Variants in TNFAIP8L3 observed in about 807,000 individuals in gnomAD.
The protein encoded by TNFAIP8L3 is tumor necrosis factor alpha-induced protein 8-like protein 3.
TNFAIP8L3 carries 7 observed loss-of-function variants against 11.8 expected under a neutral mutation model. The observed-to-expected ratio is 0.59, with a 90% CI of 0.34 to 1.11. The LOEUF (loss-of-function observed/expected upper bound fraction) is 1.11, where lower values mean the gene tolerates loss of function less well. TNFAIP8L3 is among the 50% of genes most tolerant of loss of function. The pLI is 0.03. For synonymous variants in TNFAIP8L3, 98 were observed against 103.8 expected, an observed-to-expected ratio of 0.94 and a Z score of 0.34; for missense variants, 219 against 258.6, an observed-to-expected ratio of 0.85 and a Z score of 1.05.
At chr15:51,099,763 G>A (rs1316794014), upstream of TNFAIP8L3, among the ~76,000 whole-genome samples, 1 of 152,150 alleles carries the variant, frequency 6.6e-6, no homozygotes, top group Non-Finnish European at 1.5e-5. Flanking sequence ...ACACAGCTTT[G>A]TGGCATAGAA....
intron 1 of TNFAIP8L3, among the ~76,000 whole-genome samples, chr15:51,066,540 GTC>G: frequency 6.6e-6 from 1 of 152,178 alleles, no homozygotes; most frequent in Non-Finnish European, 1.5e-5. Flanking sequence ...AACCTGTCAC[GTC>G]TCTCATGCTC....
At chr15:51,058,535 T>C (rs964313006) in intron 1 of TNFAIP8L3, 92 bp from the exon 2 acceptor site, 16 of 1,188,524 alleles carry the variant, frequency 1.3e-5, no homozygotes, top group South Asian at 1.2e-4. Flanking sequence ...TGAACTTATG[T>C]TCTTAGAGCA....
At chr15:51,104,015 T>TC (rs1371134922) in intron 1 of TNFAIP8L3, among the ~76,000 whole-genome samples, 1 of 152,024 alleles carries the variant, frequency 6.6e-6, no homozygotes, top group Non-Finnish European at 1.5e-5. Flanking sequence ...GAGGGTGAGG[T>TC]CAGTGCAACC....
chr15:51,070,051 G>A (rs190469116), intron 1 of TNFAIP8L3, among the ~76,000 whole-genome samples: 130 of 152,286 alleles, frequency 8.5e-4, no homozygotes, highest in African/African-American at 3.0e-3. Flanking sequence ...GATAGATGTA[G>A]CTTTCATTTT....
chr15:51,070,056 C>G (rs1250295964), intron 1 of TNFAIP8L3, among the ~76,000 whole-genome samples: 1 of 152,176 alleles, frequency 6.6e-6, no homozygotes, highest in Non-Finnish European at 1.5e-5. Context: ...ATGTAGCTTT[C>G]ATTTTTAGAG....
In TNFAIP8L3 at chr15:51,072,989, CCTTT is replaced by C. The variant is rs1555467128; in HGVS notation, c.53-14550_53-14547del. 2.6e-4 allele frequency among the ~76,000 whole-genome samples: 12 copies of C among 45,750 alleles called. 4 individuals carry two copies. Among genetic ancestry groups the C allele is most frequent in the African/African-American group, 4.1e-4 (4 of 9,672 alleles). The allele number at this position is 45,750 out of a possible 152,430, so 30.0% of individuals were successfully genotyped here. Reference sequence around the variant, plus strand: ...ATGTTGATCTGAAGTAAACTGGGATCCTTTTTTTTTTTTTTTTTTTTTTTGAGAC... The same window carrying C: ...ATGTTGATCTGAAGTAAACTGGGATCTTTTTTTTTTTTTTTTTTTTGAGAC... On this transcript the variant is annotated intron_variant, in intron 1 of 1. Coordinates refer to ENST00000637513, the MANE Select transcript of TNFAIP8L3 (RefSeq NM_001311175.2).
At chr15:51,080,518 T>C (rs1306499888) in intron 1 of TNFAIP8L3, among the ~76,000 whole-genome samples, 3 of 152,200 alleles carry the variant, frequency 2.0e-5, no homozygotes, top group Non-Finnish European at 2.9e-5. Context: ...GGGTCCTCCC[T>C]TCACTCTTTA....
chr15:51,058,693 T>C (rs925247907), intron 1 of TNFAIP8L3, among the ~76,000 whole-genome samples: 10 of 152,186 alleles, frequency 6.6e-5, no homozygotes, highest in African/African-American at 2.4e-4. Flanking sequence ...GGAGGTCATC[T>C]CCTCTTATCC....
At chr15:51,097,862 GAA>G (rs67230213), upstream of TNFAIP8L3, among the ~76,000 whole-genome samples, 196 of 151,894 alleles carry the variant, frequency 1.3e-3, 1 homozygote, top group East Asian at 9.9e-3. Flanking sequence ...TGTGGGGGGG[GAA>G]AAACTCTTAA....
At chr15:51,068,035 G>A (rs1380686055) in intron 1 of TNFAIP8L3, among the ~76,000 whole-genome samples, 4 of 152,196 alleles carry the variant, frequency 2.6e-5, no homozygotes, top group African/African-American at 9.7e-5. Flanking sequence ...GATATTTCCC[G>A]AAGGCAGTAG....
intron 1 of TNFAIP8L3, among the ~76,000 whole-genome samples, chr15:51,102,310 A>C (rs2065559598): frequency 6.6e-6 from 1 of 152,122 alleles, no homozygotes; most frequent in Non-Finnish European, 1.5e-5. Context: ...CATCCTTCTG[A>C]TCTATGGAAG....
upstream of TNFAIP8L3, among the ~76,000 whole-genome samples, chr15:51,095,207 G>T (rs62018216): frequency 0.12 from 16,930 of 139,992 alleles, 1,206 homozygotes; most frequent in South Asian, 0.16. Flanking sequence ...TCACTAGGAA[G>T]ATGAGGGAAG....
chr15:51,099,583 C>T (rs2065536368), upstream of TNFAIP8L3, among the ~76,000 whole-genome samples: 1 of 152,186 alleles, frequency 6.6e-6, no homozygotes, highest in Admixed American at 6.5e-5. Flanking sequence ...CTGAGAGCCT[C>T]CCTGATCACA....
chr15:51,075,455 T>A (rs1316798206), intron 1 of TNFAIP8L3, among the ~76,000 whole-genome samples: 1 of 152,138 alleles, frequency 6.6e-6, no homozygotes, highest in Non-Finnish European at 1.5e-5. Context: ...GCTATTTTAA[T>A]ATACTCAGGA....
intron 1 of TNFAIP8L3, among the ~76,000 whole-genome samples, chr15:51,083,638 G>T (rs2065407366): frequency 6.6e-6 from 1 of 152,220 alleles, no homozygotes; most frequent in Non-Finnish European, 1.5e-5. Context: ...AGTGTCCTTG[G>T]CCAGTCTGTA....
intron 1 of TNFAIP8L3, chr15:51,069,568 T>G (rs765452942): frequency 1.3e-5 from 2 of 152,196 alleles, no homozygotes; most frequent in Non-Finnish European, 2.9e-5. Flanking sequence ...TCAGCTTGTT[T>G]TAGAGCCTCC....
At position 51,057,684 on chromosome 15, in the gene TNFAIP8L3, G is replaced by A. The variant is rs2065215109; in HGVS notation, c.*197C>T. The A allele has an allele frequency of 3.6e-6, 2 of 555,604 alleles. No homozygotes were observed. Among genetic ancestry groups the A allele is most frequent in the Non-Finnish European group, 6.2e-6 (2 of 323,112 alleles). 34.4% of individuals were successfully genotyped at this position (555,604 alleles called of 1,614,324 possible). A position where few individuals can be genotyped will look rare whatever the true frequency, so the allele number is the denominator to read the frequency against. ...TGGGCTTGCACACAGGTGATTTTAA[G>A]TAGAAACCTTGCTAGAAAGCTTGGA... On this transcript the variant is annotated 3_prime_UTR_variant, in exon 2 of 2. Transcript: ENST00000637513.
At chr15:51,071,176 AT>A (rs2065307007) in intron 1 of TNFAIP8L3, among the ~76,000 whole-genome samples, 1 of 152,210 alleles carries the variant, frequency 6.6e-6, no homozygotes, top group Non-Finnish European at 1.5e-5. Flanking sequence ...ATAGAAGATA[AT>A]TTAACAAATA....
chr15:51,085,616 C>A (rs1040062871), intron 1 of TNFAIP8L3, among the ~76,000 whole-genome samples: 2 of 145,806 alleles, frequency 1.4e-5, no homozygotes, highest in Admixed American at 1.4e-4. Context: ...GGAATAGCTC[C>A]GATTCTTTTT....
Sources: gnomAD v4.1 joint callset for allele counts (sites outside exome capture counted in the v4.1 genomes callset) on GRCh38, gnomAD v4.1.1 for gene constraint, MANE v1.5 for transcripts, NCBI Gene and HGNC (gene_info 2026-07-23, HGNC 2026-07-21) for gene names.